The following TSC22D1 variants were observed in gnomAD, a reference collection of about 807,000 sequenced individuals.
TSC22D1 encodes TSC22 domain family member 1, also known as TSC22 domain family protein 1.
Under a neutral mutation model 74.2 loss-of-function variants are expected in TSC22D1, and 9 were observed. The observed-to-expected ratio is 0.12, with a 90% confidence interval of 0.07 to 0.21. The LOEUF is 0.21. TSC22D1 is among the 10% of genes least tolerant of loss of function. TSC22D1 has a pLI of 1.00. For missense variants in TSC22D1, 1,427 were observed against 1,304.7 expected, an observed-to-expected ratio of 1.09 and a Z score of -1.44; for synonymous variants, 586 against 492.5, an observed-to-expected ratio of 1.19 and a Z score of -2.51.
At position 44,574,611 on chromosome 13, in the gene TSC22D1, C is replaced by T. The variant is rs1056446826; in HGVS notation, c.1464G>A (p.Glu488=). The T allele has an allele frequency of 1.2e-6, 2 of 1,614,066 alleles. No homozygotes were observed. The highest frequency in any genetic ancestry group is 1.7e-6 in the Non-Finnish European group (2 of 1,180,034). ...GCACCACCACAGTAGGGGCTCCCAT[C>T]TCTCCACTTCCCACACTCTCTGTAT... ...SHYTESVGSG[E]MGAPTVVVQQ... is the part of the protein sequence containing the mutation. Residue 488 remains glutamate, a synonymous_variant, in exon 1 of 3, where the codon GAG becomes GAA. Coordinates refer to ENST00000458659, the MANE Select transcript of TSC22D1 (RefSeq NM_183422.4).
At chr13:44,563,636 T>C (rs369435818) in intron 1 of TSC22D1, among the ~76,000 whole-genome samples, 23 of 152,330 alleles carry the variant, frequency 1.5e-4, no homozygotes, top group South Asian at 1.0e-3. Flanking sequence ...TTCTCCCACC[T>C]GACACATTTT....
At chr13:44,505,910 AGT>A (rs1879426734) in intron 1 of TSC22D1, among the ~76,000 whole-genome samples, 1 of 152,226 alleles carries the variant, frequency 6.6e-6, no homozygotes, top group South Asian at 2.1e-4. Flanking sequence ...AGTACTGGGC[AGT>A]GTTTTCAGTA....
intron 1 of TSC22D1, among the ~76,000 whole-genome samples, chr13:44,532,533 G>A (rs558383515): frequency 6.6e-6 from 1 of 152,098 alleles, no homozygotes; most frequent in Non-Finnish European, 1.5e-5. Flanking sequence ...GAGTGCAGTG[G>A]CACCACCTCG....
Position 44,436,203 on chromosome 13 carries a change from T to C in TSC22D1, c.2913-108A>G, listed in dbSNP as rs751852947. On this transcript the variant is annotated intron_variant, in intron 1 of 2. Coordinates refer to ENST00000458659, the MANE Select transcript of TSC22D1 (RefSeq NM_183422.4). ...GATATTGCTAGCATCATATTTTGAA[T>C]GTTATTTAACACTATGTAATGTATC... 83 of 1,283,728 alleles carry C rather than the reference T, an allele frequency of 6.5e-5. 1 individual carries two copies. Among genetic ancestry groups the C allele is most frequent in the Non-Finnish European group, 8.6e-5 (79 of 916,642 alleles). 79.5% of individuals were successfully genotyped at this position (1,283,728 alleles called of 1,614,324 possible).
At chr13:44,450,498 G>A (rs1196504333) in intron 1 of TSC22D1, among the ~76,000 whole-genome samples, 2 of 152,152 alleles carry the variant, frequency 1.3e-5, no homozygotes, top group Non-Finnish European at 2.9e-5. Flanking sequence ...GGAACTGGGG[G>A]TAAAAGGAAG....
chr13:44,447,658 C>A (rs1875791699), intron 1 of TSC22D1, among the ~76,000 whole-genome samples: 1 of 150,814 alleles, frequency 6.6e-6, no homozygotes, highest in African/African-American at 2.4e-5. Flanking sequence ...ATGTATTTAC[C>A]CTCTGTAAAT....
chr13:44,553,680 C>T (rs748288783), intron 1 of TSC22D1, among the ~76,000 whole-genome samples: 1 of 152,018 alleles, frequency 6.6e-6, no homozygotes, highest in African/African-American at 2.4e-5. Flanking sequence ...TCCAAGTATT[C>T]CCCACCCCCA....
At chr13:44,460,947 T>C (rs1876965838) in intron 1 of TSC22D1, among the ~76,000 whole-genome samples, 1 of 152,246 alleles carries the variant, frequency 6.6e-6, no homozygotes, top group Admixed American at 6.5e-5. Flanking sequence ...AGGAATGATA[T>C]AATTTATCAT....
chr13:44,448,992 T>C (rs1442104254), intron 1 of TSC22D1, among the ~76,000 whole-genome samples: 1 of 152,100 alleles, frequency 6.6e-6, no homozygotes, highest in East Asian at 1.9e-4. Context: ...AGCCACAGTA[T>C]TCATTGAAAG....
At chr13:44,456,255 G>C (rs886805301) in intron 1 of TSC22D1, among the ~76,000 whole-genome samples, 21 of 152,312 alleles carry the variant, frequency 1.4e-4, no homozygotes, top group African/African-American at 5.1e-4. Context: ...GACCCGAGCG[G>C]GTTGCTGCTG....
At position 44,573,383 on chromosome 13, in the gene TSC22D1, A is replaced by G; in HGVS notation, c.2692T>C (p.Ser898Pro). ...QQIPLSSTQF[S>P]AQSLAQAIGS... ...ATTGCCTGAGCTAATGATTGTGCGG[A>G]GAACTGGGTAGAACTTAGTGGTATC... The change falls in exon 1 of 3, where the codon TCC (serine) becomes CCC (proline). Residue 898 changes from serine to proline, a missense_variant. Physicochemically the swap from Ser to Pro is moderately conservative, Grantham distance 74 (BLOSUM62 -1). Around this residue, in one of 3 missense-constraint regions of TSC22D1, gnomAD observed 1,343 missense variants for 1,191.5 expected, o/e 1.13. Coordinates refer to ENST00000458659, the MANE Select transcript of TSC22D1 (RefSeq NM_183422.4). 6.2e-7 allele frequency: 1 copy of G among 1,614,158 alleles called. No individual in the cohort carries two copies. The highest frequency in any genetic ancestry group is 8.5e-7 in the Non-Finnish European group (1 of 1,180,058).
At chr13:44,508,587 T>C (rs1201884943) in intron 1 of TSC22D1, among the ~76,000 whole-genome samples, 1 of 152,186 alleles carries the variant, frequency 6.6e-6, no homozygotes, top group Non-Finnish European at 1.5e-5. Context: ...ACAGCCAGGA[T>C]GATTTTTTTA....
At chr13:44,513,624 G>C (rs561327330) in intron 1 of TSC22D1, among the ~76,000 whole-genome samples, 3 of 152,318 alleles carry the variant, frequency 2.0e-5, no homozygotes, top group Admixed American at 1.3e-4. Context: ...GGCTAGGACA[G>C]AGATCCACTT....
chr13:44,453,038 GTTAA>G (rs1374282284), intron 1 of TSC22D1, among the ~76,000 whole-genome samples: 11 of 152,170 alleles, frequency 7.2e-5, no homozygotes, highest in Non-Finnish European at 1.5e-4. Flanking sequence ...AGATTTTGCA[GTTAA>G]TTAGAATTTA....
chr13:44,436,958 C>T (rs1874727821), intron 1 of TSC22D1: 1 of 1,012,634 alleles, frequency 9.9e-7, no homozygotes, highest in Non-Finnish European at 1.2e-6. Flanking sequence ...CAGGTCCTCC[C>T]GCTTCCCTGC....
Position 44,470,031 on chromosome 13 carries a change from T to C in TSC22D1, c.2913-33936A>G, listed in dbSNP as rs191168782. ...GAAAGTGACAGGTAGATAAACATTTTAGAGAGCCAGAGAAAGGATTGCTGC... is the reference window on the plus strand; with the variant it reads ...GAAAGTGACAGGTAGATAAACATTTCAGAGAGCCAGAGAAAGGATTGCTGC... On this transcript the variant is annotated intron_variant, in intron 1 of 2. Coordinates refer to ENST00000458659, the MANE Select transcript of TSC22D1 (RefSeq NM_183422.4). Among the ~76,000 whole-genome samples the C allele has an allele frequency of 6.0e-3, 914 of 152,296 alleles. 10 individuals are homozygous for C. Among genetic ancestry groups the C allele is most frequent in the Non-Finnish European group, 7.2e-3 (487 of 68,022 alleles).
chr13:44,551,375 A>C (rs1882239634), intron 1 of TSC22D1, among the ~76,000 whole-genome samples: 1 of 129,134 alleles, frequency 7.7e-6, no homozygotes. Flanking sequence ...AAAACCCAAA[A>C]CCCCAATCAG....
chr13:44,478,234 A>G (rs1032710830), intron 1 of TSC22D1, among the ~76,000 whole-genome samples: 1 of 152,180 alleles, frequency 6.6e-6, no homozygotes, highest in Non-Finnish European at 1.5e-5. Flanking sequence ...AAATTTACTC[A>G]CATTTAAAAT....
intron 1 of TSC22D1, among the ~76,000 whole-genome samples, chr13:44,449,421 AG>A (rs1350307796): frequency 6.6e-6 from 1 of 152,232 alleles, no homozygotes; most frequent in African/African-American, 2.4e-5. Flanking sequence ...GACGAGTTAG[AG>A]GAAGTCCAAG....
Sources: allele counts gnomAD v4.1 joint callset (sites outside exome capture counted in the v4.1 genomes callset), GRCh38; gene constraint gnomAD v4.1.1; regional missense constraint gnomAD v4.1.1; transcripts MANE v1.5; gene names NCBI Gene and HGNC (gene_info 2026-07-23, HGNC 2026-07-21).